The following C14orf132 variants were observed in gnomAD, a reference collection of about 807,000 sequenced individuals.
C14orf132 encodes the protein uncharacterized protein C14orf132.
C14orf132 carries 6 observed loss-of-function variants against 5.8 expected under a neutral mutation model. The observed-to-expected ratio is 1.03, with a 90% confidence interval of 0.57 to 2.04. The LOEUF is 2.04. C14orf132 is among the 30% of genes most tolerant of loss of function. The probability of loss-of-function intolerance (pLI) is 0.00; values close to 1 mark genes in which losing one functional copy is unlikely to be tolerated. For missense variants in C14orf132, 125 were observed against 115.8 expected, an observed-to-expected ratio of 1.08 and a Z score of -0.37; for synonymous variants, 51 against 49.8, an observed-to-expected ratio of 1.02 and a Z score of -0.10.
chr14:96,066,628 T>G (rs1436662038), intron 1 of C14orf132, among the ~76,000 whole-genome samples: 1 of 152,120 alleles, frequency 6.6e-6, no homozygotes, highest in Admixed American at 6.5e-5. Flanking sequence ...TCAGTAGATG[T>G]GCTAGGCACC....
intron 1 of C14orf132, among the ~76,000 whole-genome samples, chr14:96,066,338 T>A (rs1887526916): frequency 1.3e-5 from 2 of 152,224 alleles, no homozygotes; most frequent in Non-Finnish European, 2.9e-5. Context: ...TGTGCTCTGA[T>A]GAGACAGCGT....
rs143608599 is a variant in C14orf132, at chr14:96,086,498, T to A, written c.28-13T>A. On this transcript the variant is annotated splice_polypyrimidine_tract_variant and intron_variant, in intron 1 of 1. Coordinates refer to ENST00000555004, the MANE Select transcript of C14orf132 (RefSeq NM_001252507.3). ...CCATGGCCCTGGATAATTCTCTCTC[T>A]CCTTCTTTGCAGCTGCCCATGATGG... 2 of 1,535,822 alleles carry A rather than the reference T, an allele frequency of 1.3e-6. No homozygotes were observed. The highest frequency in any genetic ancestry group is 1.4e-5 in the African/African-American group (1 of 73,138).
In C14orf132 at chr14:96,049,639, CGT is replaced by C. The variant is rs1491433095; in HGVS notation, c.27+10113_27+10114del. Among the ~76,000 whole-genome samples, 6 of 46,504 alleles carry C rather than the reference CGT, an allele frequency of 1.3e-4. 1 individual carries two copies. Among genetic ancestry groups the C allele is most frequent in the Non-Finnish European group, 2.1e-4 (6 of 29,166 alleles). The allele number at this position is 46,504 out of a possible 152,430, so 30.5% of individuals were successfully genotyped here. On this transcript the variant is annotated intron_variant, in intron 1 of 1. Transcript: ENST00000555004. ...ATATACGTATATATATACATATATA[CGT>C]ATATATATATATAGAGAGAGAGAGA... is the stretch of plus-strand genomic sequence containing the variant.
chr14:96,055,912 C>CAG (rs1887169727), intron 1 of C14orf132, among the ~76,000 whole-genome samples: 1 of 152,206 alleles, frequency 6.6e-6, no homozygotes, highest in Admixed American at 6.5e-5. Context: ...AGGCTTGGAG[C>CAG]AGAGATCTCA....
rs1886635978 is a variant in C14orf132, at chr14:96,039,765, C to T, written c.27+238C>T. Reference sequence around the variant, plus strand: ...CCCCGCGGCTCGAGCTGTTCCCGCCCGGGCCCCTCTCGTTGGCAGGAAGGC... The same window carrying T: ...CCCCGCGGCTCGAGCTGTTCCCGCCTGGGCCCCTCTCGTTGGCAGGAAGGC... On this transcript the variant is annotated intron_variant, in intron 1 of 1. Coordinates refer to ENST00000555004, the MANE Select transcript of C14orf132 (RefSeq NM_001252507.3). This position sits in a 1 kb window ranked among gnomAD's most constrained non-coding sequence, Gnocchi z 5.3. Among the ~76,000 whole-genome samples the T allele has an allele frequency of 6.6e-6, 1 of 152,178 alleles. No homozygotes were observed. The highest frequency in any genetic ancestry group is 1.5e-5 in the Non-Finnish European group (1 of 68,020).
intron 1 of C14orf132, among the ~76,000 whole-genome samples, chr14:96,053,897 G>C (rs759087108): frequency 6.6e-6 from 1 of 152,176 alleles, no homozygotes; most frequent in African/African-American, 2.4e-5. Context: ...ACACTAAAGC[G>C]TCTGTCGCAT....
intron 1 of C14orf132, among the ~76,000 whole-genome samples, chr14:96,055,148 G>A (rs11848029): frequency 0.061 from 9,345 of 152,236 alleles, 392 homozygotes; most frequent in East Asian, 0.15. Context: ...CGCAGCAAGC[G>A]ACTTGAGCTT....
In C14orf132 at chr14:96,090,553, G is replaced by A. The variant is rs780418607; in HGVS notation, c.*3818G>A. The A allele has an allele frequency of 2.6e-5, 12 of 453,782 alleles. No individual in the cohort carries two copies. The highest frequency in any genetic ancestry group is 1.4e-4 in the East Asian group (2 of 14,362). 28.1% of individuals were successfully genotyped at this position (453,782 alleles called of 1,614,324 possible). A position where few individuals can be genotyped will look rare whatever the true frequency, so the allele number is the denominator to read the frequency against. On this transcript the variant is annotated 3_prime_UTR_variant, in exon 2 of 2. Transcript: ENST00000555004. ...CCAGGGACCCAGGCAGGATGATGGC[G>A]CAGCTCTTCCTACTCCAAGCCAATG...
At chr14:96,042,830 C>G (rs144049861) in intron 1 of C14orf132, among the ~76,000 whole-genome samples, 2 of 152,190 alleles carry the variant, frequency 1.3e-5, no homozygotes, top group East Asian at 3.9e-4. Context: ...ACACCCCAGC[C>G]CCACTCCACA....
At chr14:96,051,991 A>G (rs1887041496) in intron 1 of C14orf132, among the ~76,000 whole-genome samples, 1 of 152,260 alleles carries the variant, frequency 6.6e-6, no homozygotes, top group South Asian at 2.1e-4. Context: ...GCACCTGCTA[A>G]GAGTTCTGTG....
intron 1 of C14orf132, among the ~76,000 whole-genome samples, chr14:96,082,020 T>C (rs919918321): frequency 2.6e-5 from 4 of 152,194 alleles, no homozygotes; most frequent in African/African-American, 9.7e-5. Context: ...GTTGCCAGTG[T>C]CTAACTCAGC....
rs1410271328 is a variant in C14orf132, at chr14:96,086,848, G to T, written c.*113G>T. Reference sequence around the variant, plus strand: ...ACCAGGAGTTTTGACCAGGGGCGGCGGCCGTCCTTCTGGAATTTCTCCCCA... The same window carrying T: ...ACCAGGAGTTTTGACCAGGGGCGGCTGCCGTCCTTCTGGAATTTCTCCCCA... On this transcript the variant is annotated 3_prime_UTR_variant, in exon 2 of 2. Transcript: ENST00000555004. The T allele has an allele frequency of 5.6e-6, 6 of 1,070,072 alleles. No individual in the cohort carries two copies. In the East Asian group the frequency reaches 1.3e-4, roughly 23 times the overall value. The allele number at this position is 1,070,072 out of a possible 1,614,324, so 66.3% of individuals were successfully genotyped here. A position where few individuals can be genotyped will look rare whatever the true frequency, so the allele number is the denominator to read the frequency against.
chr14:96,039,586 A>T lies in C14orf132; in HGVS notation c.27+59A>T, dbSNP rs553537318. 1.8e-4 allele frequency: 269 copies of T among 1,463,412 alleles called. 3 individuals carry two copies. The South Asian group carries it at 3.3e-3, about 18-fold the overall frequency. 90.7% of individuals were successfully genotyped at this position (1,463,412 alleles called of 1,614,324 possible). On this transcript the variant is annotated intron_variant, in intron 1 of 1. Coordinates refer to ENST00000555004, the MANE Select transcript of C14orf132 (RefSeq NM_001252507.3). The surrounding 1 kb of genome is among the most constrained non-coding windows in gnomAD (Gnocchi z 5.3). ...GCCAAGTTTGGGGAGGTTCGGGGCC[A>T]CGGTCTCGCCCTCCACGCTGGGGCT... is the stretch of plus-strand genomic sequence containing the variant.
intron 1 of C14orf132, among the ~76,000 whole-genome samples, chr14:96,048,434 A>T (rs906082390): frequency 3.9e-5 from 6 of 152,188 alleles, no homozygotes; most frequent in Non-Finnish European, 8.8e-5. Context: ...AGTTGGAATT[A>T]TTCAGTATGT....
chr14:96,085,651 C>A (rs987448320), intron 1 of C14orf132, among the ~76,000 whole-genome samples: 2 of 152,172 alleles, frequency 1.3e-5, no homozygotes, highest in African/African-American at 4.8e-5. Flanking sequence ...TCCTATCCAC[C>A]GGAAGGTATA....
At chr14:96,040,702 C>G (rs2139636531) in intron 1 of C14orf132, among the ~76,000 whole-genome samples, 1 of 152,038 alleles carries the variant, frequency 6.6e-6, no homozygotes, top group East Asian at 1.9e-4. Flanking sequence ...CCGGCAGCCC[C>G]TTAAGTTTTC....
At chr14:96,041,548 T>C (rs1886694493) in intron 1 of C14orf132, among the ~76,000 whole-genome samples, 1 of 152,256 alleles carries the variant, frequency 6.6e-6, no homozygotes, top group Non-Finnish European at 1.5e-5. Flanking sequence ...TCTAGTAGAT[T>C]GCTTTCTGCT....
At chr14:96,083,095 C>A (rs984183344) in intron 1 of C14orf132, among the ~76,000 whole-genome samples, 1 of 152,210 alleles carries the variant, frequency 6.6e-6, no homozygotes, top group African/African-American at 2.4e-5. Context: ...GGGGACTCCC[C>A]ATGAGGCCTG....
chr14:96,071,713 A>G (rs756094391), intron 1 of C14orf132, among the ~76,000 whole-genome samples: 69 of 152,290 alleles, frequency 4.5e-4, no homozygotes, highest in South Asian at 1.0e-3. Flanking sequence ...CAACCTCGGG[A>G]AGCTGGGCCC....
Sources: gnomAD v4.1 joint callset for allele counts (sites outside exome capture counted in the v4.1 genomes callset) on GRCh38, gnomAD v4.1.1 for gene constraint, Gnocchi (gnomAD v3.1) non-coding constraint, MANE v1.5 for transcripts, NCBI Gene and HGNC (gene_info 2026-07-23, HGNC 2026-07-21) for gene names.